Variants in NEB observed in about 807,000 individuals in gnomAD.
The protein encoded by NEB is nebulin, also known as nemaline myopathy type 2.
A neutral mutation model predicts 952.2 loss-of-function variants in NEB; 512 were observed. The ratio of observed to expected loss-of-function variants is 0.54; its 90% confidence interval spans 0.50 to 0.58. The LOEUF is 0.58. Ranked by LOEUF, NEB falls within the 20% of genes least tolerant of loss-of-function variation. The pLI is 0.00. For synonymous variants in NEB, 2,900 were observed against 3,149.8 expected, an observed-to-expected ratio of 0.92 and a Z score of 2.66; for missense variants, 8,428 against 9,231.1, an observed-to-expected ratio of 0.91 and a Z score of 3.56.
intron 76 of NEB, among the ~76,000 whole-genome samples, chr2:151,615,513 A>T (rs546626927): frequency 3.3e-5 from 5 of 152,252 alleles, no homozygotes; most frequent in Non-Finnish European, 7.3e-5. Flanking sequence ...CTCACCAATT[A>T]GGAGTTACAA....
rs375145370 is a variant in NEB, at chr2:151,630,821, T to C, written c.9619-2A>G. 23 of 1,573,670 alleles carry C rather than the reference T, an allele frequency of 1.5e-5. No homozygotes were observed. Among genetic ancestry groups the C allele is most frequent in the Non-Finnish European group, 8.6e-7 (1 of 1,159,108 alleles). ...GTCCCAGGCCTCTGTGTATAAACGC[T>C]ATAAAAGAAGATAAGATGCTGATTA... On this transcript the variant is annotated splice_acceptor_variant, in intron 66 of 181. Transcript: ENST00000397345. LOFTEE classifies it high-confidence loss of function.
At chr2:151,610,901 G>A in intron 78 of NEB, 35 bp from the exon 79 acceptor site, 3 of 1,371,436 alleles carry the variant, frequency 2.2e-6, no homozygotes, top group Non-Finnish European at 2.0e-6. Context: ...ATGGGGAGAG[G>A]GAGGGAGTAT....
intron 64 of NEB, among the ~76,000 whole-genome samples, chr2:151,635,921 C>T (rs958705851): frequency 1.1e-4 from 17 of 152,232 alleles, no homozygotes; most frequent in Middle Eastern, 3.4e-3. Flanking sequence ...TTCTATAAGC[C>T]GGTGATAATT....
intron 64 of NEB, among the ~76,000 whole-genome samples, chr2:151,634,626 C>A (rs2098722431): frequency 6.6e-6 from 1 of 151,834 alleles, no homozygotes; most frequent in Non-Finnish European, 1.5e-5. Context: ...TGGGTGACAG[C>A]AAGACTCCAT....
intron 117 of NEB, among the ~76,000 whole-genome samples, 168 bp from the exon 118 acceptor site, chr2:151,564,098 T>C (rs1183984829): frequency 6.6e-6 from 1 of 152,204 alleles, no homozygotes; most frequent in Non-Finnish European, 1.5e-5. Flanking sequence ...ATTTGGTTTA[T>C]TGCAAATTAA....
In NEB at chr2:151,538,262, A is replaced by G. The variant is rs1180132869; in HGVS notation, c.20893-18T>C. ...TAGCGTAGCTAGAAAGAGAAAAAACACATGAATTACAAAAAAACTACCAAG... is the reference window on the plus strand; with the variant it reads ...TAGCGTAGCTAGAAAGAGAAAAAACGCATGAATTACAAAAAAACTACCAAG... On this transcript the variant is annotated intron_variant, in intron 138 of 181. Transcript: ENST00000397345. 1 of 1,547,210 alleles carries G rather than the reference A, an allele frequency of 6.5e-7. No individual in the cohort carries two copies. The highest frequency in any genetic ancestry group is 2.2e-5 in the East Asian group (1 of 44,548).
chr2:151,572,087 C>T (rs1469756237), intron 107 of NEB, among the ~76,000 whole-genome samples: 1 of 152,174 alleles, frequency 6.6e-6, no homozygotes, highest in Non-Finnish European at 1.5e-5. Context: ...TTTGGGAGGC[C>T]GAGGCAGGTG....
intron 129 of NEB, among the ~76,000 whole-genome samples, chr2:151,550,057 C>G (rs925158107): frequency 3.3e-5 from 5 of 152,002 alleles, no homozygotes; most frequent in Admixed American, 6.6e-5. Context: ...TGCTTAAGGT[C>G]AGAAGTTGAG....
At chr2:151,716,709 T>G (rs550591751) in intron 10 of NEB, among the ~76,000 whole-genome samples, 1 of 152,148 alleles carries the variant, frequency 6.6e-6, no homozygotes, top group South Asian at 2.1e-4. Flanking sequence ...AAGATAAAAA[T>G]CTTGAGGTTT....
intron 153 of NEB, among the ~76,000 whole-genome samples, chr2:151,520,986 A>G (rs2153411605): frequency 6.6e-6 from 1 of 152,348 alleles, no homozygotes; most frequent in Non-Finnish European, 1.5e-5. Context: ...TAAGGCCAGA[A>G]GTAGAATTCT....
chr2:151,666,387 C>T lies in NEB; in HGVS notation c.4734G>A (p.Glu1578=), dbSNP rs2154179248. 6.8e-6 allele frequency: 11 copies of T among 1,613,430 alleles called. No individual in the cohort carries two copies. Among genetic ancestry groups the T allele is most frequent in the Middle Eastern group, 1.7e-4 (1 of 6,060 alleles). Residue 1578 remains glutamate (E), a synonymous_variant, in exon 41 of 182, where the codon GAG becomes GAA. Transcript: ENST00000397345. The part of the protein sequence containing the change: ...RNIASDCKYK[E]AYEKAKGKQV... ...GCTTGCCTTTGGCTTTCTCGTAGGC[C>T]TCCTTATATTTGCACTATTTGAAAA...
chr2:151,540,221 G>A (rs2093855931), intron 138 of NEB, 123 bp downstream of exon 138: 1 of 514,568 alleles, frequency 1.9e-6, no homozygotes, highest in East Asian at 3.3e-5. Context: ...TTAAAAAAAT[G>A]TGTGTTTTTT....
At chr2:151,554,882 A>C in intron 125 of NEB, 49 bp downstream of exon 125, 2 of 1,301,966 alleles carry the variant, frequency 1.5e-6, no homozygotes, top group Non-Finnish European at 2.2e-6. Flanking sequence ...CGAGCGGCAC[A>C]TTTCTCAGAA....
At chr2:151,545,820 C>T (rs1576971922) in intron 135 of NEB, 68 bp downstream of exon 135, 1 of 934,678 alleles carries the variant, frequency 1.1e-6, no homozygotes, top group Non-Finnish European at 1.7e-6. Flanking sequence ...GAACTAAGAG[C>T]CTTGTGGAGT....
At chr2:151,722,679 G>A (rs1445226861) in intron 9 of NEB, among the ~76,000 whole-genome samples, 1 of 152,082 alleles carries the variant, frequency 6.6e-6, no homozygotes, top group East Asian at 1.9e-4. Context: ...GAGTAGCTGA[G>A]ACTACAGGCA....
chr2:151,492,661 A>G, intron 176 of NEB, 167 bp from the exon 177 acceptor site: 1 of 429,134 alleles, frequency 2.3e-6, no homozygotes, highest in Non-Finnish European at 4.1e-6. Flanking sequence ...TGGGGACCAG[A>G]AGGGCCCGCC....
chr2:151,636,767 G>C (rs1180251876), intron 63 of NEB, among the ~76,000 whole-genome samples: 1 of 151,454 alleles, frequency 6.6e-6, no homozygotes, highest in Non-Finnish European at 1.5e-5. Context: ...GGCAACAAGA[G>C]TGAAACTCCA....
Position 151,485,720 on chromosome 2 carries a change from A to C in NEB, c.*40T>G, listed in dbSNP as rs1300476074. ...TCTAAACCGAAACATTGACTGCAGG[A>C]TCTGTAAGTCCTGCAGACAAGTGTG... On this transcript the variant is annotated 3_prime_UTR_variant, in exon 182 of 182. Transcript: ENST00000397345. The C allele has an allele frequency of 3.2e-6, 5 of 1,562,840 alleles. No homozygotes were observed. The highest frequency in any genetic ancestry group is 4.3e-6 in the Non-Finnish European group (5 of 1,150,244).
chr2:151,683,432 G>A (rs899883037), intron 28 of NEB, among the ~76,000 whole-genome samples: 7 of 152,144 alleles, frequency 4.6e-5, no homozygotes, highest in South Asian at 2.1e-4. Context: ...AAAAATTTAC[G>A]TTTTAGATAC....
Sources: allele counts gnomAD v4.1 joint callset (sites outside exome capture counted in the v4.1 genomes callset), GRCh38; gene constraint gnomAD v4.1.1; transcripts MANE v1.5; gene names NCBI Gene and HGNC (gene_info 2026-07-23, HGNC 2026-07-21).